The following ZNF512B variants were observed in gnomAD, a reference collection of about 807,000 sequenced individuals.
ZNF512B encodes zinc finger protein 512B.
ZNF512B carries 22 observed loss-of-function variants against 87.8 expected under a neutral mutation model. The ratio of observed to expected loss-of-function variants is 0.25; its 90% CI spans 0.18 to 0.36. The LOEUF (loss-of-function observed/expected upper bound fraction) is 0.36. Among genes scored for constraint, ZNF512B ranks in the 10% least tolerant of loss-of-function variants. ZNF512B has a pLI of 1.00. For missense variants in ZNF512B, 1,060 were observed against 1,231.6 expected (o/e 0.86, Z 2.09); for synonymous variants, 524 against 490.9 (o/e 1.07, Z -0.89).
At position 63,959,551 on chromosome 20, in the gene ZNF512B, C is replaced by T. The variant is rs1601469690; in HGVS notation, c.*337G>A. 2 of 318,828 alleles carry T rather than the reference C, an allele frequency of 6.3e-6. No individual in the cohort carries two copies. The highest frequency in any genetic ancestry group is 5.2e-5 in the East Asian group (1 of 19,268). The allele number at this position is 318,828 out of a possible 1,614,324, so 19.7% of individuals were successfully genotyped here. A position where few individuals can be genotyped will look rare whatever the true frequency, so the allele number is the denominator to read the frequency against. On this transcript the variant is annotated 3_prime_UTR_variant, in exon 17 of 17. Transcript: ENST00000369888. ...AGGGACCCGGCAGGGCCTGAGGAAG[C>T]GGAGCCGGGGGGCCAAAGGCCATCT...
At chr20:63,960,678 A>G (rs113330696) in intron 16 of ZNF512B, among the ~76,000 whole-genome samples, 6 of 137,304 alleles carry the variant, frequency 4.4e-5, no homozygotes, top group African/African-American at 1.7e-4. Context: ...CACCTGCAGC[A>G]GGGGGCTGGA....
rs1284797220 is a variant in ZNF512B at position 63,961,757 on chromosome 20, C to T, written c.2328+185G>A. Among the ~76,000 whole-genome samples the T allele has an allele frequency of 6.6e-6, 1 of 151,970 alleles. No homozygotes were observed. The highest frequency in any genetic ancestry group is 1.5e-5 in the Non-Finnish European group (1 of 67,998). ...CGTTGTCTTGTGGCTGGGGTTGGGG[C>T]GAGGGAGGTGTCCTAGGCTGGCCAT... On this transcript the variant is annotated intron_variant, in intron 15 of 16. Transcript: ENST00000369888. The surrounding 1 kb of genome is among the most constrained non-coding windows in gnomAD (Gnocchi z 6.4).
At position 63,961,203 on chromosome 20, in the gene ZNF512B, C is replaced by G; in HGVS notation, c.2427+106G>C. The G allele has an allele frequency of 1.0e-6, 1 of 997,226 alleles. No homozygotes were observed. The highest frequency in any genetic ancestry group is 2.0e-5 in the Admixed American group (1 of 50,938). 61.8% of individuals were successfully genotyped at this position (997,226 alleles called of 1,614,324 possible). On this transcript the variant is annotated intron_variant, in intron 16 of 16. Transcript: ENST00000369888. The surrounding 1 kb of genome is among the most constrained non-coding windows in gnomAD (Gnocchi z 6.4). ...CACATTGGCCACTCTCCCAGGCACA[C>G]CCCATGCAGGCCACTGACCTCTCTA... is the stretch of plus-strand genomic sequence containing the variant.
Position 63,959,674 on chromosome 20 carries a change from C to T in ZNF512B, c.*214G>A. The T allele has an allele frequency of 1.5e-6, 1 of 663,566 alleles. No homozygotes were observed. The highest frequency in any genetic ancestry group is 2.4e-5 in the South Asian group (1 of 42,210). The allele number at this position is 663,566 out of a possible 1,614,324, so 41.1% of individuals were successfully genotyped here. A position where few individuals can be genotyped will look rare whatever the true frequency, so the allele number is the denominator to read the frequency against. ...GGCTATTGCACTTCTGCTGGGCACACCTTGGGGAGCCCCAACCCAGGTGTG... is the reference window on the plus strand; with the variant it reads ...GGCTATTGCACTTCTGCTGGGCACATCTTGGGGAGCCCCAACCCAGGTGTG... On this transcript the variant is annotated 3_prime_UTR_variant, in exon 17 of 17. Coordinates refer to ENST00000369888, the MANE Select transcript of ZNF512B (RefSeq NM_020713.3).
rs376871471 is a variant in ZNF512B, at chr20:63,959,976, C to T, written c.2591G>A (p.Arg864Gln). Residue 864 changes from arginine (R) to glutamine (Q), a missense_variant, in exon 17 of 17, where the codon CGG (arginine) becomes CAG (glutamine). Arg to Gln is a conservative substitution (Grantham distance 43). Around this residue, in one of 9 missense-constraint regions of ZNF512B, gnomAD observed 253 missense variants for 259.2 expected, o/e 0.98. Coordinates refer to ENST00000369888, the MANE Select transcript of ZNF512B (RefSeq NM_020713.3). ...EEPVAKLPPR[R>Q]DDWPPGCRDK... The stretch of plus-strand genomic sequence containing the variant: ...TCTGCATCCTGGAGGCCAGTCGTCC[C>T]GGCGCGGGGGCAGCTTGGCCACAGG... The T allele has an allele frequency of 7.4e-6, 12 of 1,612,426 alleles. No individual in the cohort carries two copies. The highest frequency in any genetic ancestry group is 2.2e-5 in the South Asian group (2 of 91,088).
In ZNF512B at chr20:63,961,808, G is replaced by A. The variant is rs1601474563; in HGVS notation, c.2328+134C>T. ...CAGCCACCGGCCAGTCTCTGGGTTC[G>A]TGGAAGAGGAGGCCACGTAGAAAAA... On this transcript the variant is annotated intron_variant, in intron 15 of 16. Transcript: ENST00000369888. The surrounding 1 kb of genome is among the most constrained non-coding windows in gnomAD (Gnocchi z 6.4). The A allele has an allele frequency of 1.3e-5, 12 of 930,404 alleles. No individual in the cohort carries two copies. The highest frequency in any genetic ancestry group is 2.6e-5 in the East Asian group (1 of 37,836). The allele number at this position is 930,404 out of a possible 1,614,324, so 57.6% of individuals were successfully genotyped here.
intron 5 of ZNF512B, among the ~76,000 whole-genome samples, chr20:63,965,016 C>A: frequency 3.5e-5 from 1 of 28,864 alleles, no homozygotes; most frequent in East Asian, 3.9e-4. Flanking sequence ...TGTTCCCTGA[C>A]CTGGGACGAG....
In ZNF512B at chr20:63,962,372, G is replaced by A. The variant is rs1453229099; in HGVS notation, c.2166C>T (p.Leu722=). The A allele has an allele frequency of 1.9e-6, 3 of 1,611,300 alleles. No individual in the cohort carries two copies. Among genetic ancestry groups the A allele is most frequent in the Non-Finnish European group, 2.5e-6 (3 of 1,179,438 alleles). ...KDDLVPETAR[L]NYTRPGLPTL... ...TGGGGAGCCCTGGTCGAGTGTAGTT[G>A]AGCTGTGAATTCGACAGCACCAGGG... Residue 722 remains leucine (L), a splice_region_variant and synonymous_variant, in exon 14 of 17, where the codon CTC becomes CTT. Transcript: ENST00000369888.
chr20:63,963,179 G>A lies in ZNF512B; in HGVS notation c.1884C>T (p.Pro628=), dbSNP rs772579554. The part of the protein sequence containing the change: ...CGKPPCEVDS[P]SFPCTHCGKT... The stretch of plus-strand genomic sequence containing the variant: ...TGCCACAGTGGGTGCAGGGGAAGGA[G>A]GGGCTGTCCACCTCGCAGGGCGGCT... The change falls in exon 12 of 17, where the codon CCC becomes CCT. Residue 628 remains proline, a synonymous_variant. Coordinates refer to ENST00000369888, the MANE Select transcript of ZNF512B (RefSeq NM_020713.3). 5.2e-6 allele frequency: 8 copies of A among 1,548,488 alleles called. No individual in the cohort carries two copies. The South Asian group carries it at 8.3e-5, about 16-fold the overall frequency.
chr20:63,963,612 C>T lies in ZNF512B; in HGVS notation c.1698+6G>A, dbSNP rs375448747. 257 of 1,613,198 alleles carry T rather than the reference C, an allele frequency of 1.6e-4. No individual in the cohort carries two copies. The highest frequency in any genetic ancestry group is 2.1e-4 in the Non-Finnish European group (247 of 1,179,952). ...CGCTGGACGGGAGCTGGGGGCCCGA[C>T]GGTACCTTGGCACTGTGCTCGGCCA... On this transcript the variant is annotated splice_donor_region_variant and intron_variant, in intron 10 of 16. Transcript: ENST00000369888.
chr20:63,962,595 T>A lies in ZNF512B; in HGVS notation c.2155A>T (p.Thr719Ser), dbSNP rs762365016. The A allele has an allele frequency of 6.2e-7, 1 of 1,605,388 alleles. No homozygotes were observed. The highest frequency in any genetic ancestry group is 1.3e-5 in the African/African-American group (1 of 74,966). ...RRMKDDLVPE[T>S]ARLNYTRPGL... ...TGGGGGGGGCAGCTCACCCGTGCGG[T>A]CTCGGGCACAAGGTCATCCTTCATG... The change falls in exon 13 of 17, where the codon ACC becomes TCC. Residue 719 changes from threonine (T) to serine (S), a missense_variant. Thr to Ser is a moderately conservative substitution (Grantham distance 58, BLOSUM62 1). Around this residue, in one of 9 missense-constraint regions of ZNF512B, gnomAD observed 253 missense variants for 259.2 expected, o/e 0.98. Coordinates refer to ENST00000369888, the MANE Select transcript of ZNF512B (RefSeq NM_020713.3).
At chr20:63,962,118 G>C in intron 14 of ZNF512B, 114 bp from the exon 15 acceptor site, 1 of 1,343,228 alleles carries the variant, frequency 7.4e-7, no homozygotes, top group Non-Finnish European at 1.0e-6. Flanking sequence ...GAGGGGGTGT[G>C]AGTCCTGGGG....
Position 63,962,589 on chromosome 20 carries a change from G to A in ZNF512B, c.2161C>T (p.Arg721Trp), listed in dbSNP as rs768856923. Reference protein sequence around the residue: ...MKDDLVPETARLNYTRPGLPT... With the variant: ...MKDDLVPETAWLNYTRPGLPT... Reference sequence around the variant, plus strand: ...CAGCCCTGGGGGGGGCAGCTCACCCGTGCGGTCTCGGGCACAAGGTCATCC... The same window carrying A: ...CAGCCCTGGGGGGGGCAGCTCACCCATGCGGTCTCGGGCACAAGGTCATCC... Residue 721 changes from arginine to tryptophan, a missense_variant and splice_region_variant, in exon 13 of 17, where the codon CGG becomes TGG. By Grantham distance (101) the Arg-to-Trp change is moderately radical. Around this residue, in one of 9 missense-constraint regions of ZNF512B, gnomAD observed 253 missense variants for 259.2 expected, o/e 0.98. Transcript: ENST00000369888. 1.3e-5 allele frequency: 21 copies of A among 1,604,116 alleles called. No homozygotes were observed. Among genetic ancestry groups the A allele is most frequent in the South Asian group, 3.3e-5 (3 of 90,424 alleles).
chr20:63,963,077 G>A lies in ZNF512B; in HGVS notation c.1968+18C>T, dbSNP rs368711447. The A allele has an allele frequency of 3.9e-6, 6 of 1,540,002 alleles. No homozygotes were observed. The African/African-American group carries it at 8.1e-5, about 21-fold the overall frequency. On this transcript the variant is annotated intron_variant, in intron 12 of 16. Transcript: ENST00000369888. ...ACACAGGAACAAGCACTGTGCCACAGAACAGAGAGCCACTCACGGGGGCCG... is the reference window on the plus strand; with the variant it reads ...ACACAGGAACAAGCACTGTGCCACAAAACAGAGAGCCACTCACGGGGGCCG...
rs192039392 is a variant in ZNF512B, at chr20:63,964,063, G to A, written c.1480+8C>T. 3.8e-5 allele frequency: 61 copies of A among 1,605,750 alleles called. No homozygotes were observed. The Admixed American group carries it at 8.2e-4, about 22-fold the overall frequency. On this transcript the variant is annotated splice_region_variant and intron_variant, in intron 8 of 16. Coordinates refer to ENST00000369888, the MANE Select transcript of ZNF512B (RefSeq NM_020713.3). ...AGCTGCCCTGAGCCCCTGCCAGGCA[G>A]CCCCTACCTGGAGCTGGGTGGGCCA... is the stretch of plus-strand genomic sequence containing the variant.
rs570559377 is a variant in ZNF512B, at chr20:63,966,345, G to A, written c.830C>T (p.Thr277Met). The change falls in exon 5 of 17, where the codon ACG (threonine) becomes ATG (methionine). Residue 277 changes from threonine to methionine, a missense_variant. Physicochemically the swap from Thr to Met is moderately conservative, Grantham distance 81. This residue lies in a region of ZNF512B where 201 missense variants were observed against 226.8 expected (regional missense o/e 0.89). Coordinates refer to ENST00000369888, the MANE Select transcript of ZNF512B (RefSeq NM_020713.3). ...CGTAACTGTCACAAGCTTTGTTACC[G>A]TAATGGGTTTGGTGACAGGTACGGG... ...TKPVPVTKPI[T>M]VTKLVTVTKP... 26 of 1,594,660 alleles carry A rather than the reference G, an allele frequency of 1.6e-5. No homozygotes were observed. The highest frequency in any genetic ancestry group is 8.9e-5 in the South Asian group (8 of 89,414).
At position 63,966,878 on chromosome 20, in the gene ZNF512B, C is replaced by G; in HGVS notation, c.391G>C (p.Gly131Arg). 1 of 1,613,836 alleles carries G rather than the reference C, an allele frequency of 6.2e-7. No homozygotes were observed. The highest frequency in any genetic ancestry group is 8.5e-7 in the Non-Finnish European group (1 of 1,180,024). ...TCCCCCGACCCACAGTCCCTTACCCCTTGGCACCGCTGGTAATGGTACTTG... is the reference window on the plus strand; with the variant it reads ...TCCCCCGACCCACAGTCCCTTACCCGTTGGCACCGCTGGTAATGGTACTTG... ...GLKYHYQRCQ[G>R]GAISDRLAFP... is the part of the protein sequence containing the mutation. Residue 131 changes from glycine (G) to arginine (R), a missense_variant and splice_region_variant, in exon 4 of 17, where the codon GGG becomes CGG. This residue lies in a region of ZNF512B where 32 missense variants were observed against 68.0 expected (regional missense o/e 0.47). Coordinates refer to ENST00000369888, the MANE Select transcript of ZNF512B (RefSeq NM_020713.3).
rs372343126 is a variant in ZNF512B, at chr20:63,963,115, G to A, written c.1948C>T (p.Arg650Cys). The A allele has an allele frequency of 3.8e-6, 6 of 1,559,424 alleles. No individual in the cohort carries two copies. Among genetic ancestry groups the A allele is most frequent in the Non-Finnish European group, 5.2e-6 (6 of 1,159,770 alleles). The change falls in exon 12 of 17, where the codon CGC (arginine) becomes TGC (cysteine). Residue 650 changes from arginine (R) to cysteine (C), a missense_variant. Arg to Cys is a radical substitution (Grantham distance 180). Transcript: ENST00000369888. ...CTCACGGGGGCCGTGTGCTCCGAGC[G>A]CACGTGGTAGTCGTGGCCAGCCTTG... is the stretch of plus-strand genomic sequence containing the variant. ...RSKAGHDYHV[R>C]SEHTAPPPEE...
At chr20:63,963,006 A>G (rs2058872659) in intron 12 of ZNF512B, 89 bp downstream of exon 12, 7 of 1,434,612 alleles carry the variant, frequency 4.9e-6, no homozygotes, top group East Asian at 5.0e-5. Flanking sequence ...TGGGCGGTAC[A>G]TGGACAAATA....
Sources: gnomAD v4.1 joint callset for allele counts (sites outside exome capture counted in the v4.1 genomes callset) on GRCh38, gnomAD v4.1.1 for gene constraint, gnomAD v4.1.1 regional missense constraint, Gnocchi (gnomAD v3.1) non-coding constraint, MANE v1.5 for transcripts, NCBI Gene and HGNC (gene_info 2026-07-23, HGNC 2026-07-21) for gene names.